The following ARHGAP24 variants were observed in gnomAD, a reference collection of about 807,000 sequenced individuals.
ARHGAP24 encodes Rho GTPase activating protein 24.
Under a neutral mutation model 76.4 loss-of-function variants are expected in ARHGAP24, and 50 were observed. The observed-to-expected ratio is 0.65, with a 90% confidence interval of 0.52 to 0.83. The LOEUF is 0.83. Among genes scored for constraint, ARHGAP24 ranks in the 40% least tolerant of loss-of-function variants. ARHGAP24 has a pLI of 0.00. For missense variants in ARHGAP24, 930 were observed against 914.2 expected, an observed-to-expected ratio of 1.02 and a Z score of -0.22; for synonymous variants, 345 against 323.3, an observed-to-expected ratio of 1.07 and a Z score of -0.72.
intron 3 of ARHGAP24, among the ~76,000 whole-genome samples, chr4:85,849,364 T>C (rs1467678250): frequency 6.6e-6 from 1 of 152,064 alleles, no homozygotes; most frequent in Non-Finnish European, 1.5e-5. Flanking sequence ...CGATGGGTTT[T>C]TCTAAATATA....
chr4:85,579,710 A>T (rs1727529819), intron 2 of ARHGAP24, among the ~76,000 whole-genome samples: 1 of 152,072 alleles, frequency 6.6e-6, no homozygotes, highest in Non-Finnish European at 1.5e-5. Context: ...TAGTGTTCTC[A>T]CTTTCTGAAA....
At chr4:85,966,906 G>A (rs545611922) in intron 5 of ARHGAP24, among the ~76,000 whole-genome samples, 21 of 152,150 alleles carry the variant, frequency 1.4e-4, no homozygotes, top group African/African-American at 2.9e-4. Context: ...GGATTATACC[G>A]TATTCTCTAC....
At position 85,842,421 on chromosome 4, in the gene ARHGAP24, G is replaced by A. The variant is rs143322610; in HGVS notation, c.269-81227G>A. On this transcript the variant is annotated intron_variant, in intron 3 of 9. Coordinates refer to ENST00000395184, the MANE Select transcript of ARHGAP24 (RefSeq NM_001025616.3). Reference sequence around the variant, plus strand: ...CAGATTGGAGGGAGCAGTATTATGTGTATCATAGTACTGTGGTCAGAAATA... The same window carrying A: ...CAGATTGGAGGGAGCAGTATTATGTATATCATAGTACTGTGGTCAGAAATA... 3.2e-3 allele frequency among the ~76,000 whole-genome samples: 493 copies of A among 152,160 alleles called. 3 individuals carry two copies. Among genetic ancestry groups the A allele is most frequent in the Non-Finnish European group, 5.4e-3 (367 of 67,982 alleles).
chr4:85,990,624 G>A (rs1740266906), intron 8 of ARHGAP24: 1 of 151,848 alleles, frequency 6.6e-6, no homozygotes, highest in Admixed American at 6.6e-5. Context: ...AGAAATATGT[G>A]TAGTCATTTG....
intron 3 of ARHGAP24, among the ~76,000 whole-genome samples, chr4:85,814,921 A>T (rs1350991259): frequency 6.6e-6 from 1 of 152,110 alleles, no homozygotes; most frequent in African/African-American, 2.4e-5. Flanking sequence ...AGGCATTTCC[A>T]TACATCTTCT....
intron 2 of ARHGAP24, among the ~76,000 whole-genome samples, chr4:85,600,746 C>A (rs1560547776): frequency 6.6e-6 from 1 of 152,158 alleles, no homozygotes; most frequent in Non-Finnish European, 1.5e-5. Context: ...GCTTTTCATG[C>A]AAGGAATACG....
intron 1 of ARHGAP24, among the ~76,000 whole-genome samples, chr4:85,568,358 C>A (rs1726932441): frequency 6.6e-6 from 1 of 151,654 alleles, no homozygotes; most frequent in South Asian, 2.1e-4. Flanking sequence ...GTTTTAAGGT[C>A]CCATTTAACT....
At chr4:85,795,854 T>A (rs1390495598) in intron 3 of ARHGAP24, among the ~76,000 whole-genome samples, 1 of 152,200 alleles carries the variant, frequency 6.6e-6, no homozygotes, top group Non-Finnish European at 1.5e-5. Context: ...TGTATCTTAT[T>A]AATATATTAA....
At chr4:85,901,622 C>G (rs7685851) in intron 3 of ARHGAP24, among the ~76,000 whole-genome samples, 48,220 of 151,888 alleles carry the variant, frequency 0.32, 7,952 homozygotes, top group East Asian at 0.63. Flanking sequence ...TGAGATCATA[C>G]ATGGGAAAGT....
intron 3 of ARHGAP24, among the ~76,000 whole-genome samples, chr4:85,831,473 A>T (rs995155014): frequency 2.0e-5 from 3 of 152,234 alleles, no homozygotes; most frequent in Admixed American, 6.5e-5. Flanking sequence ...TGCTTTAAAT[A>T]TTTTTATGAT....
intron 2 of ARHGAP24, among the ~76,000 whole-genome samples, chr4:85,676,379 A>G (rs952940789): frequency 3.3e-5 from 5 of 152,130 alleles, no homozygotes; most frequent in African/African-American, 4.8e-5. Context: ...ATTTTGCAAA[A>G]TCCTCTAAAT....
At chr4:85,743,198 T>A (rs1194584184) in intron 3 of ARHGAP24, among the ~76,000 whole-genome samples, 1 of 151,442 alleles carries the variant, frequency 6.6e-6, no homozygotes, top group East Asian at 1.9e-4. Flanking sequence ...GGTACTTAAG[T>A]GGGAGCTAGA....
At chr4:85,701,428 A>G (rs960884973) in intron 2 of ARHGAP24, among the ~76,000 whole-genome samples, 3 of 151,794 alleles carry the variant, frequency 2.0e-5, no homozygotes, top group African/African-American at 7.3e-5. Context: ...TCCCTCACCC[A>G]TCTCCCAACA....
intron 2 of ARHGAP24, among the ~76,000 whole-genome samples, chr4:85,710,249 A>C (rs1328552931): frequency 6.6e-6 from 1 of 152,202 alleles, no homozygotes; most frequent in African/African-American, 2.4e-5. Flanking sequence ...AAAAGCAAGC[A>C]GTGGGGAAAG....
At chr4:85,786,136 C>T (rs1334259514) in intron 3 of ARHGAP24, among the ~76,000 whole-genome samples, 1 of 152,080 alleles carries the variant, frequency 6.6e-6, no homozygotes, top group African/African-American at 2.4e-5. Flanking sequence ...TCGTAATTAA[C>T]CCCCACATAT....
chr4:85,820,096 A>C (rs184315245), intron 3 of ARHGAP24, among the ~76,000 whole-genome samples: 1 of 152,252 alleles, frequency 6.6e-6, no homozygotes, highest in South Asian at 2.1e-4. Flanking sequence ...AGAACTCAAA[A>C]GCAGAATTGC....
At chr4:85,643,234 G>GGTTTTTTTTTTTT (rs1721592118) in intron 2 of ARHGAP24, among the ~76,000 whole-genome samples, 2 of 54,610 alleles carry the variant, frequency 3.7e-5, no homozygotes, top group African/African-American at 1.2e-4. Context: ...GTTTTTTTGT[G>GGTTTTTTTTTTTT]TTTTTTTTTT....
chr4:85,520,649 T>C (rs922069046), intron 1 of ARHGAP24, among the ~76,000 whole-genome samples: 8 of 152,186 alleles, frequency 5.3e-5, no homozygotes, highest in Non-Finnish European at 1.2e-4. Context: ...CTGTAATTTA[T>C]TGAACCATGT....
At chr4:85,680,259 C>A (rs1000227713) in intron 2 of ARHGAP24, among the ~76,000 whole-genome samples, 1 of 152,174 alleles carries the variant, frequency 6.6e-6, no homozygotes, top group Non-Finnish European at 1.5e-5. Context: ...TATCCTTGAA[C>A]AACTCTCATT....
Sources: allele counts gnomAD v4.1 joint callset (sites outside exome capture counted in the v4.1 genomes callset), GRCh38; gene constraint gnomAD v4.1.1; transcripts MANE v1.5; gene names NCBI Gene and HGNC (gene_info 2026-07-23, HGNC 2026-07-21).